Variants in SEMA3G observed in about 807,000 individuals in gnomAD.
The protein encoded by SEMA3G is semaphorin 3G.
A neutral mutation model predicts 86.2 loss-of-function variants in SEMA3G; 70 were observed. That is an observed-to-expected ratio of 0.81 (90% CI 0.67 to 0.99). The LOEUF (loss-of-function observed/expected upper bound fraction) is 0.99. Ranked by LOEUF, SEMA3G falls within the 50% of genes least tolerant of loss-of-function variation. The pLI, the probability that SEMA3G is intolerant of heterozygous loss-of-function variation, is 0.00. For synonymous variants in SEMA3G, 416 were observed against 441.4 expected (o/e 0.94, Z 0.72); for missense variants, 1,002 against 1,072.4 (o/e 0.93, Z 0.92).
Position 52,435,751 on chromosome 3 carries a change from G to A in SEMA3G, c.2201C>T (p.Thr734Ile), listed in dbSNP as rs1260554572. 23 of 1,614,068 alleles carry A rather than the reference G, an allele frequency of 1.4e-5. No homozygotes were observed. The highest frequency in any genetic ancestry group is 1.9e-5 in the Non-Finnish European group (22 of 1,180,004). ...EYCERVWCRGTTECSGCFRSR... is the reference protein window; with the variant it reads ...EYCERVWCRGITECSGCFRSR... ...CCGGAAGCAGCCTGAGCATTCCGTGGTGCCCCTGCACCACACGCGCTCACA... is the reference window on the plus strand; with the variant it reads ...CCGGAAGCAGCCTGAGCATTCCGTGATGCCCCTGCACCACACGCGCTCACA... The change falls in exon 16 of 16, where the codon ACC becomes ATC. Residue 734 changes from threonine (T) to isoleucine (I), a missense_variant. By Grantham distance (89) the Thr-to-Ile change is moderately conservative. Transcript: ENST00000231721.
In SEMA3G at chr3:52,441,799, C is replaced by A; in HGVS notation, c.550+20G>T. The A allele has an allele frequency of 6.2e-7, 1 of 1,606,498 alleles. No homozygotes were observed. The highest frequency in any genetic ancestry group is 2.2e-5 in the East Asian group (1 of 44,720). ...AGCTGCCACCCTCCCTGTTCTCACC[C>A]TGGCCTGGGCATCACCCACCTATGA... On this transcript the variant is annotated intron_variant, in intron 5 of 15. Transcript: ENST00000231721.
In SEMA3G at chr3:52,444,958, G is replaced by A. The variant is rs1706239099; in HGVS notation, c.70C>T (p.Pro24Ser). Residue 24 changes from proline to serine, a missense_variant, in exon 1 of 16, where the codon CCC (proline) becomes TCC (serine). Pro to Ser is a moderately conservative substitution (Grantham distance 74, BLOSUM62 -1). Transcript: ENST00000231721. ...CGGGGCACACTGGGGCCGGGGCTGGGGCCAGAGCTACCCCCATGGAGCAGG... is the reference window on the plus strand; with the variant it reads ...CGGGGCACACTGGGGCCGGGGCTGGAGCCAGAGCTACCCCCATGGAGCAGG... ...GLLLHGGSSG[P>S]SPGPSVPRLR... 7.7e-7 allele frequency: 1 copy of A among 1,303,242 alleles called. No individual in the cohort carries two copies. The highest frequency in any genetic ancestry group is 9.8e-7 in the Non-Finnish European group (1 of 1,021,116). The allele number at this position is 1,303,242 out of a possible 1,614,324, so 80.7% of individuals were successfully genotyped here.
chr3:52,442,950 C>T lies in SEMA3G; in HGVS notation c.116-43G>A. On this transcript the variant is annotated intron_variant, in intron 1 of 15. Transcript: ENST00000231721. This position sits in a 1 kb window ranked among gnomAD's most constrained non-coding sequence, Gnocchi z 6.1. ...GAGGCAGATCAGGGCCACAGCTCAG[C>T]CTAGTTCCCCAGCCAAGGAGTGGAG... 2 of 1,557,748 alleles carry T rather than the reference C, an allele frequency of 1.3e-6. No homozygotes were observed. Among genetic ancestry groups the T allele is most frequent in the Non-Finnish European group, 1.7e-6 (2 of 1,150,958 alleles).
Position 52,439,670 on chromosome 3 carries a change from C to G in SEMA3G, c.1467+10G>C. 6.2e-7 allele frequency: 1 copy of G among 1,611,342 alleles called. No homozygotes were observed. The highest frequency in any genetic ancestry group is 8.5e-7 in the Non-Finnish European group (1 of 1,177,614). ...GCTTGGAGGGACCCTTCCATCAGCC[C>G]CTTGCTTACCTTAAACACCTGGAGC... On this transcript the variant is annotated intron_variant, in intron 12 of 15. Coordinates refer to ENST00000231721, the MANE Select transcript of SEMA3G (RefSeq NM_020163.3).
At position 52,442,253 on chromosome 3, in the gene SEMA3G, G is replaced by A. The variant is rs1706172841; in HGVS notation, c.391C>T (p.Leu131=). ...RVLQPHNRTH[L]LACGTGAFQP... ...AAGGCCCCAGTGCCACAGGCTAGCA[G>A]GTGGGTCCGGTTGTGAGGCTGTAGC... Residue 131 remains leucine, a synonymous_variant, in exon 4 of 16, where the codon CTG becomes TTG. Transcript: ENST00000231721. This position sits in a 1 kb window ranked among gnomAD's most constrained non-coding sequence, Gnocchi z 6.1. 1 of 1,614,012 alleles carries A rather than the reference G, an allele frequency of 6.2e-7. No homozygotes were observed. Among genetic ancestry groups the A allele is most frequent in the Non-Finnish European group, 8.5e-7 (1 of 1,179,964 alleles).
rs2276833 is a variant in SEMA3G, at chr3:52,441,382, A to G, written c.695T>C (p.Ile232Thr). Reference sequence around the variant, plus strand: ...ATTGTCCTGGTCAGAGTTCTCAGGGATCCGGGCGGCCATCACAAACCGGGG... The same window carrying G: ...ATTGTCCTGGTCAGAGTTCTCAGGGGTCCGGGCGGCCATCACAAACCGGGG... Reference protein sequence around the residue: ...HDPRFVMAARIPENSDQDNDK... With the variant: ...HDPRFVMAARTPENSDQDNDK... Residue 232 changes from isoleucine (I) to threonine (T), a missense_variant, in exon 7 of 16, where the codon ATC (isoleucine) becomes ACC (threonine). By Grantham distance (89) the Ile-to-Thr change is moderately conservative. Transcript: ENST00000231721. 7 of 1,613,808 alleles carry G rather than the reference A, an allele frequency of 4.3e-6. No homozygotes were observed. The East Asian group carries it at 1.6e-4, about 36-fold the overall frequency.
At position 52,442,438 on chromosome 3, in the gene SEMA3G, A is replaced by G. The variant is rs1342475671; in HGVS notation, c.339+121T>C. ...GTGTGACATTCCCAGCAGACCTTCAAAAGCCCTCAAGATCTGCTCCAAATG... is the reference window on the plus strand; with the variant it reads ...GTGTGACATTCCCAGCAGACCTTCAGAAGCCCTCAAGATCTGCTCCAAATG... On this transcript the variant is annotated intron_variant, in intron 3 of 15. Transcript: ENST00000231721. The surrounding 1 kb of genome is among the most constrained non-coding windows in gnomAD (Gnocchi z 6.1). The G allele has an allele frequency of 1.9e-5, 25 of 1,324,240 alleles. No individual in the cohort carries two copies. Among genetic ancestry groups the G allele is most frequent in the Non-Finnish European group, 2.6e-5 (24 of 928,862 alleles). 82.0% of individuals were successfully genotyped at this position (1,324,240 alleles called of 1,614,324 possible).
intron 7 of SEMA3G, 67 bp from the exon 8 acceptor site, chr3:52,441,115 A>G: frequency 6.8e-7 from 1 of 1,465,216 alleles, no homozygotes; most frequent in Admixed American, 1.9e-5. Flanking sequence ...CCACTCTTCT[A>G]CCCTCACCCA....
rs140949459 is a variant in SEMA3G at position 52,437,914 on chromosome 3, C to T, written c.1738+57G>A. The T allele has an allele frequency of 5.7e-3, 8,435 of 1,488,710 alleles. 68 individuals carry two copies. The highest frequency in any genetic ancestry group is 0.023 in the South Asian group (2,045 of 87,176). 92.2% of individuals were successfully genotyped at this position (1,488,710 alleles called of 1,614,324 possible). On this transcript the variant is annotated intron_variant, in intron 14 of 15. Coordinates refer to ENST00000231721, the MANE Select transcript of SEMA3G (RefSeq NM_020163.3). The stretch of plus-strand genomic sequence containing the variant: ...AGAATGCACTTCGCAGGGGTGGAGC[C>T]GGGCCACAGGGGTGAGTTCCAGCCC...
chr3:52,438,113 G>A lies in SEMA3G; in HGVS notation c.1596C>T (p.Cys532=), dbSNP rs368724335. The A allele has an allele frequency of 9.2e-5, 149 of 1,613,188 alleles. No homozygotes were observed. Among genetic ancestry groups the A allele is most frequent in the Non-Finnish European group, 1.1e-4 (135 of 1,180,040 alleles). The change falls in exon 14 of 16, where the codon TGC becomes TGT. Residue 532 remains cysteine (C), a synonymous_variant. Transcript: ENST00000231721. ...CETYGTACAE[C]CLARDPYCAW... is the part of the protein sequence containing the mutation. ...CACAGTATGGGTCCCGGGCCAGGCA[G>A]CACTCTGCACAGGCAGTGCCGTAAG...
chr3:52,437,434 C>A, intron 15 of SEMA3G, 93 bp downstream of exon 15: 1 of 1,352,504 alleles, frequency 7.4e-7, no homozygotes, highest in Non-Finnish European at 1.0e-6. Flanking sequence ...AGATTCCCCC[C>A]AGAACCCCTT....
Position 52,435,686 on chromosome 3 carries a change from C to T in SEMA3G, c.2266G>A (p.Ala756Thr), listed in dbSNP as rs1706032922. The change falls in exon 16 of 16, where the codon GCA (alanine) becomes ACA (threonine). Residue 756 changes from alanine (A) to threonine (T), a missense_variant. Transcript: ENST00000231721. ...RGKQARGKSW[A>T]GLELGKKMKS... ...ATCTTCTTGCCTAGCTCCAGCCCTG[C>T]CCAGCTCTTGCCCCTGGCCTGCTTG... 3.1e-6 allele frequency: 5 copies of T among 1,614,116 alleles called. No homozygotes were observed. The highest frequency in any genetic ancestry group is 4.2e-6 in the Non-Finnish European group (5 of 1,180,004).
chr3:52,438,133 C>A lies in SEMA3G; in HGVS notation c.1576G>T (p.Gly526Cys). The change falls in exon 14 of 16, where the codon GGC becomes TGC. Residue 526 changes from glycine to cysteine, a missense_variant. Gly to Cys is a radical substitution (Grantham distance 159). Coordinates refer to ENST00000231721, the MANE Select transcript of SEMA3G (RefSeq NM_020163.3). ...AGGCAGCACTCTGCACAGGCAGTGC[C>A]GTAAGTCTCACATTGGTGCAGCCGC... ...QLRLHQCETYGTACAECCLAR... is the reference protein window; with the variant it reads ...QLRLHQCETYCTACAECCLAR... 6.2e-7 allele frequency: 1 copy of A among 1,613,242 alleles called. No individual in the cohort carries two copies. The highest frequency in any genetic ancestry group is 8.5e-7 in the Non-Finnish European group (1 of 1,180,020).
chr3:52,436,866 C>T (rs1332139605), intron 15 of SEMA3G, among the ~76,000 whole-genome samples: 1 of 152,234 alleles, frequency 6.6e-6, no homozygotes, highest in Non-Finnish European at 1.5e-5. Flanking sequence ...CTGGCCTCCC[C>T]CAGTTCCCAG....
chr3:52,445,092 C>A lies in SEMA3G; in HGVS notation c.-65G>T, dbSNP rs1008455227. 8.0e-7 allele frequency: 1 copy of A among 1,251,170 alleles called. No homozygotes were observed. Among genetic ancestry groups the A allele is most frequent in the Non-Finnish European group, 1.0e-6 (1 of 994,704 alleles). The allele number at this position is 1,251,170 out of a possible 1,614,324, so 77.5% of individuals were successfully genotyped here. ...GCCGCCCTCTGGTCCCGCTGGCCGC[C>A]GGTTGTAGTTTGCTCTGCTGCCACC... On this transcript the variant is annotated 5_prime_UTR_variant, in exon 1 of 16. Coordinates refer to ENST00000231721, the MANE Select transcript of SEMA3G (RefSeq NM_020163.3).
rs1706041975 is a variant in SEMA3G at position 52,435,991 on chromosome 3, G to A, written c.1961C>T (p.Thr654Ile). ...RLSRFDAGTY[T>I]CTTLEHGFSQ... ...GAAGCCATGCTCCAGAGTGGTGCAGGTGTAGGTGCCCGCATCGAAACGGCT... is the reference window on the plus strand; with the variant it reads ...GAAGCCATGCTCCAGAGTGGTGCAGATGTAGGTGCCCGCATCGAAACGGCT... Residue 654 changes from threonine to isoleucine, a missense_variant, in exon 16 of 16, where the codon ACC becomes ATC. Transcript: ENST00000231721. 1 of 1,613,914 alleles carries A rather than the reference G, an allele frequency of 6.2e-7. No individual in the cohort carries two copies. Among genetic ancestry groups the A allele is most frequent in the African/African-American group, 1.3e-5 (1 of 75,072 alleles).
In SEMA3G at chr3:52,442,005, CG is replaced by C; in HGVS notation, c.460-97del. 1 of 1,309,352 alleles carries C rather than the reference CG, an allele frequency of 7.6e-7. No homozygotes were observed. The highest frequency in any genetic ancestry group is 1.1e-6 in the Non-Finnish European group (1 of 947,042). The allele number at this position is 1,309,352 out of a possible 1,614,324, so 81.1% of individuals were successfully genotyped here. ...GGAGCCCTCGCGTGCGGCCAGAGAG[CG>C]GGGGTGGGCGGAAGGCGTCCTCATC... On this transcript the variant is annotated intron_variant, in intron 4 of 15. Coordinates refer to ENST00000231721, the MANE Select transcript of SEMA3G (RefSeq NM_020163.3). The surrounding 1 kb of genome is among the most constrained non-coding windows in gnomAD (Gnocchi z 6.1).
intron 13 of SEMA3G, chr3:52,438,433 G>T: frequency 1.0e-6 from 1 of 985,406 alleles, no homozygotes; most frequent in East Asian, 1.1e-4. Context: ...TTTCTCTAAG[G>T]GGCTTCTCCA....
rs1254772108 is a variant in SEMA3G, at chr3:52,442,535, A to G, written c.339+24T>C. 1.2e-6 allele frequency: 2 copies of G among 1,611,446 alleles called. No homozygotes were observed. Among genetic ancestry groups the G allele is most frequent in the South Asian group, 1.1e-5 (1 of 91,034 alleles). ...TCAGGGCAGGGTGTCAGGTCGGGGGACCATCCCTCCCGACAGCACTCACCA... is the reference window on the plus strand; with the variant it reads ...TCAGGGCAGGGTGTCAGGTCGGGGGGCCATCCCTCCCGACAGCACTCACCA... On this transcript the variant is annotated intron_variant, in intron 3 of 15. Coordinates refer to ENST00000231721, the MANE Select transcript of SEMA3G (RefSeq NM_020163.3). The surrounding 1 kb of genome is among the most constrained non-coding windows in gnomAD (Gnocchi z 6.1).
Sources: allele counts gnomAD v4.1 joint callset (sites outside exome capture counted in the v4.1 genomes callset), GRCh38; gene constraint gnomAD v4.1.1; non-coding constraint Gnocchi (gnomAD v3.1); transcripts MANE v1.5; gene names NCBI Gene and HGNC (gene_info 2026-07-23, HGNC 2026-07-21).